Variants in TMEM117 observed in about 807,000 individuals in gnomAD.
TMEM117 encodes transmembrane protein 117.
In TMEM117, 27 loss-of-function variants were observed where a neutral mutation model predicts 52.4. The observed-to-expected ratio is 0.51, with a 90% CI of 0.38 to 0.71. TMEM117 has a LOEUF of 0.71. Ranked by LOEUF, TMEM117 falls within the 30% of genes least tolerant of loss-of-function variation. The pLI, the probability that TMEM117 is intolerant of heterozygous loss-of-function variation, is 0.00. For synonymous variants in TMEM117, 215 were observed against 206.3 expected (o/e 1.04, Z -0.36); for missense variants, 556 against 630.5 (o/e 0.88, Z 1.26).
chr12:43,890,529 G>GT lies in TMEM117; in HGVS notation c.277+45610dup, dbSNP rs1301728279. On this transcript the variant is annotated intron_variant, in intron 2 of 7. Transcript: ENST00000266534. ...CAAGGGATATTTTCTCTTCTTTTTT[G>GT]TTTTTTTTTGTTTTTGTTTTTGAGA... 9.6e-4 allele frequency among the ~76,000 whole-genome samples: 144 copies of GT among 150,142 alleles called. 1 individual carries two copies. Among genetic ancestry groups the GT allele is most frequent in the Admixed American group, 1.7e-3 (25 of 15,018 alleles).
chr12:44,049,079 A>T (rs1005671901), intron 3 of TMEM117, among the ~76,000 whole-genome samples: 2 of 152,020 alleles, frequency 1.3e-5, no homozygotes, highest in African/African-American at 2.4e-5. Context: ...TACCCAAAGG[A>T]ATATAAATCA....
downstream of TMEM117, among the ~76,000 whole-genome samples, chr12:44,390,750 G>A (rs1952157569): frequency 6.6e-6 from 1 of 152,192 alleles, no homozygotes; most frequent in South Asian, 2.1e-4. Context: ...TCCAACTGTT[G>A]AATTGTATAT....
chr12:43,941,010 A>G (rs963691871), intron 2 of TMEM117, among the ~76,000 whole-genome samples: 3 of 151,634 alleles, frequency 2.0e-5, no homozygotes. Context: ...GTGCCCTCCC[A>G]CCCTCTCCTT....
At chr12:44,132,383 A>G (rs1948428787) in intron 3 of TMEM117, among the ~76,000 whole-genome samples, 1 of 151,830 alleles carries the variant, frequency 6.6e-6, no homozygotes, top group Non-Finnish European at 1.5e-5. Flanking sequence ...GTGGGGTGAA[A>G]GTCATTTCCA....
At chr12:44,185,553 G>T (rs929129200) in intron 4 of TMEM117, among the ~76,000 whole-genome samples, 1 of 151,982 alleles carries the variant, frequency 6.6e-6, no homozygotes, top group African/African-American at 2.4e-5. Context: ...CTTAAAAAAA[G>T]CCTTTGTTTT....
chr12:43,965,785 T>C (rs1373722030), intron 3 of TMEM117, among the ~76,000 whole-genome samples: 1 of 152,176 alleles, frequency 6.6e-6, no homozygotes, highest in African/African-American at 2.4e-5. Flanking sequence ...AGGGGGTACA[T>C]GTGCGGGTTT....
intron 5 of TMEM117, among the ~76,000 whole-genome samples, chr12:44,294,211 C>T (rs1018281487): frequency 2.6e-5 from 4 of 152,036 alleles, no homozygotes; most frequent in African/African-American, 4.8e-5. Context: ...AGTCTCTTTT[C>T]CCTTGCTGCT....
At chr12:44,080,734 G>T (rs1592499440) in intron 3 of TMEM117, among the ~76,000 whole-genome samples, 2 of 152,084 alleles carry the variant, frequency 1.3e-5, no homozygotes, top group South Asian at 4.1e-4. Context: ...CAATGAAGAT[G>T]ATATAAAATG....
intron 3 of TMEM117, among the ~76,000 whole-genome samples, chr12:44,014,880 G>A (rs1343836672): frequency 1.3e-5 from 2 of 151,952 alleles, no homozygotes; most frequent in African/African-American, 4.8e-5. Context: ...TGATCGGTAT[G>A]TGAAAATAAT....
At chr12:43,863,918 C>T (rs1212226015) in intron 2 of TMEM117, among the ~76,000 whole-genome samples, 1 of 152,198 alleles carries the variant, frequency 6.6e-6, no homozygotes, top group Non-Finnish European at 1.5e-5. Context: ...CAGGTGGGAA[C>T]CGGGGCTGCG....
intron 4 of TMEM117, among the ~76,000 whole-genome samples, chr12:44,194,244 A>C (rs1949390218): frequency 6.6e-6 from 1 of 152,200 alleles, no homozygotes; most frequent in South Asian, 2.1e-4. Flanking sequence ...ATCATATTAA[A>C]CAGCTACCAT....
intron 5 of TMEM117, among the ~76,000 whole-genome samples, chr12:44,215,914 G>T (rs1949710619): frequency 6.6e-6 from 1 of 150,574 alleles, no homozygotes; most frequent in Non-Finnish European, 1.5e-5. Flanking sequence ...AGGCAAATGT[G>T]AATAAAATTG....
intron 2 of TMEM117, among the ~76,000 whole-genome samples, chr12:43,921,042 C>T (rs1348327124): frequency 6.6e-6 from 1 of 152,048 alleles, no homozygotes; most frequent in Non-Finnish European, 1.5e-5. Flanking sequence ...AACTTGTCTA[C>T]CCTTCTGTGT....
chr12:43,994,209 T>C (rs1367980850), intron 3 of TMEM117, among the ~76,000 whole-genome samples: 3 of 152,192 alleles, frequency 2.0e-5, no homozygotes, highest in Admixed American at 6.5e-5. Context: ...ATTAAAAGTT[T>C]CCATGCTCTT....
chr12:44,033,664 A>T (rs890027479), intron 3 of TMEM117, among the ~76,000 whole-genome samples: 1 of 152,378 alleles, frequency 6.6e-6, no homozygotes, highest in African/African-American at 2.4e-5. Flanking sequence ...AATGATGGTC[A>T]TCAGGCTTTT....
At chr12:44,386,116 T>C (rs1952084656) in intron 7 of TMEM117, among the ~76,000 whole-genome samples, 1 of 152,196 alleles carries the variant, frequency 6.6e-6, no homozygotes, top group Non-Finnish European at 1.5e-5. Context: ...ACAGCATTTA[T>C]GGTTTGTATC....
chr12:43,896,621 C>A (rs961557081), intron 2 of TMEM117, among the ~76,000 whole-genome samples: 2 of 69,462 alleles, frequency 2.9e-5, no homozygotes, highest in South Asian at 1.2e-3. Context: ...CTGAAATAAA[C>A]ACATTTTTTT....
intron 3 of TMEM117, among the ~76,000 whole-genome samples, chr12:44,131,983 G>A (rs776553207): frequency 2.6e-5 from 4 of 151,796 alleles, no homozygotes; most frequent in Non-Finnish European, 5.9e-5. Flanking sequence ...TTCCTTGTTA[G>A]AGATTTTCTT....
At chr12:43,958,856 G>C (rs1427912357) in intron 3 of TMEM117, among the ~76,000 whole-genome samples, 1 of 152,116 alleles carries the variant, frequency 6.6e-6, no homozygotes, top group Non-Finnish European at 1.5e-5. Context: ...GCCCTGGCTG[G>C]AGTGCAGTGG....
Sources: allele counts gnomAD v4.1 joint callset (sites outside exome capture counted in the v4.1 genomes callset), GRCh38; gene constraint gnomAD v4.1.1; transcripts MANE v1.5; gene names NCBI Gene and HGNC (gene_info 2026-07-23, HGNC 2026-07-21).